Variants in INSL6 observed in about 807,000 individuals in gnomAD.
INSL6 encodes insulin like 6.
Under a neutral mutation model 9.4 loss-of-function variants are expected in INSL6, and 16 were observed. That is an observed-to-expected ratio of 1.70 (90% CI 1.15 to 2.59). The LOEUF (loss-of-function observed/expected upper bound fraction) is 2.59, where lower values mean the gene tolerates loss of function less well. Ranked by LOEUF, INSL6 falls within the 30% of genes most tolerant of loss-of-function variation. INSL6 has a pLI of 0.00. For synonymous variants in INSL6, 154 were observed against 96.9 expected (o/e 1.59, Z -3.46); for missense variants, 391 against 257.3 (o/e 1.52, Z -3.56).
the INSL6 span, among the ~76,000 whole-genome samples, chr9:5,011,810 G>A: frequency 1.2e-4 from 18 of 152,202 alleles, no homozygotes; most frequent in Admixed American, 7.8e-4. Flanking sequence ...TTGATCCTGC[G>A]GAGGCTTGGT....
the INSL6 span, among the ~76,000 whole-genome samples, chr9:5,048,401 A>G: frequency 2.7e-4 from 41 of 152,252 alleles, no homozygotes; most frequent in Non-Finnish European, 5.3e-4. Context: ...TTGGCCTTCT[A>G]AAGTGCTGGG....
the INSL6 span, among the ~76,000 whole-genome samples, chr9:5,007,882 C>G: frequency 6.6e-6 from 1 of 152,074 alleles, no homozygotes; most frequent in East Asian, 1.9e-4. Flanking sequence ...CACGTGCCAC[C>G]ACGCCTGGCT....
chr9:5,174,284 T>G (rs190778240), intron 1 of INSL6, among the ~76,000 whole-genome samples: 4 of 152,220 alleles, frequency 2.6e-5, no homozygotes, highest in Non-Finnish European at 4.4e-5. Flanking sequence ...AACTCCTTGA[T>G]AGAGTTTTCT....
chr9:5,113,587 C>A, the INSL6 span: 1 of 159,140 alleles, frequency 6.3e-6, no homozygotes, highest in South Asian at 1.7e-4. Flanking sequence ...CCTTGATCCC[C>A]TGCTGCAAAG....
At chr9:5,087,982 AAAAT>A in the INSL6 span, among the ~76,000 whole-genome samples, 1 of 152,260 alleles carries the variant, frequency 6.6e-6, no homozygotes, top group East Asian at 1.9e-4. Flanking sequence ...GTGGCACTAG[AAAAT>A]AAATTTTATG....
chr9:5,087,696 C>T, the INSL6 span, among the ~76,000 whole-genome samples: 1 of 152,056 alleles, frequency 6.6e-6, no homozygotes, highest in South Asian at 2.1e-4. Context: ...ATACATTTTC[C>T]CACTGCTTAT....
At position 5,175,604 on chromosome 9, in the gene INSL6, G is replaced by A. The variant is rs184617012; in HGVS notation, c.289+9710C>T. Among the ~76,000 whole-genome samples, 379 of 152,224 alleles carry A rather than the reference G, an allele frequency of 2.5e-3. 3 individuals carry two copies. Among genetic ancestry groups the A allele is most frequent in the Admixed American group, 4.4e-3 (68 of 15,296 alleles). On this transcript the variant is annotated intron_variant, in intron 1 of 1. Coordinates refer to ENST00000381641, the MANE Select transcript of INSL6 (RefSeq NM_007179.3). ...GGCAGGAGGTAAGCAGTGGGCAGGC[G>A]AGCGAGCAAAGCTTCATCTATATTT...
At chr9:5,112,595 A>T in the INSL6 span, 1 of 777,476 alleles carries the variant, frequency 1.3e-6, no homozygotes, top group Admixed American at 2.5e-5. Context: ...GAGGGCTCTT[A>T]AGGAGCTGGG....
the INSL6 span, among the ~76,000 whole-genome samples, chr9:5,042,173 C>A: frequency 1.3e-5 from 2 of 149,426 alleles, no homozygotes; most frequent in African/African-American, 4.9e-5. Flanking sequence ...CTTTGTCGCC[C>A]AGGCCGGACT....
chr9:5,115,978 G>A, the INSL6 span, among the ~76,000 whole-genome samples: 1 of 151,932 alleles, frequency 6.6e-6, no homozygotes, highest in African/African-American at 2.4e-5. Context: ...GATGGGTGCA[G>A]CAAACCACCA....
At chr9:5,041,713 A>G in the INSL6 span, 5 of 503,520 alleles carry the variant, frequency 9.9e-6, no homozygotes, top group Non-Finnish European at 2.0e-5. Context: ...GACTCTGAGT[A>G]CGAGGGGCTC....
chr9:5,033,264 G>A, the INSL6 span, among the ~76,000 whole-genome samples: 4 of 152,188 alleles, frequency 2.6e-5, no homozygotes, highest in South Asian at 2.1e-4. Context: ...CCAAATCTAC[G>A]TCTCATTGGT....
the INSL6 span, among the ~76,000 whole-genome samples, chr9:5,071,240 C>T: frequency 3.6e-4 from 55 of 152,162 alleles, no homozygotes; most frequent in African/African-American, 1.3e-3. Flanking sequence ...CCATAATTCC[C>T]ACAGATAAAA....
the INSL6 span, among the ~76,000 whole-genome samples, chr9:5,004,041 G>A: frequency 2.0e-5 from 3 of 151,886 alleles, no homozygotes; most frequent in Admixed American, 1.3e-4. Context: ...TTGTATATAT[G>A]GTGTACAACA....
chr9:5,028,967 C>A, the INSL6 span, among the ~76,000 whole-genome samples: 1 of 152,172 alleles, frequency 6.6e-6, no homozygotes, highest in African/African-American at 2.4e-5. Context: ...TTACTGCAGT[C>A]GCATTTTTAA....
At chr9:5,000,155 T>G in the INSL6 span, among the ~76,000 whole-genome samples, 2 of 151,288 alleles carry the variant, frequency 1.3e-5, no homozygotes, top group Admixed American at 6.6e-5. Flanking sequence ...ATTTTTTCTG[T>G]TTTTTTTTAA....
chr9:5,037,610 A>G, the INSL6 span, among the ~76,000 whole-genome samples: 1 of 152,310 alleles, frequency 6.6e-6, no homozygotes, highest in Admixed American at 6.5e-5. Context: ...CGCAAGGACA[A>G]AAAACCAAAC....
At chr9:5,009,406 A>T in the INSL6 span, among the ~76,000 whole-genome samples, 3 of 152,160 alleles carry the variant, frequency 2.0e-5, no homozygotes, top group African/African-American at 7.2e-5. Context: ...ACACTATGAA[A>T]TGCCCAGGCT....
the INSL6 span, among the ~76,000 whole-genome samples, chr9:5,061,231 A>G: frequency 1.3e-5 from 2 of 152,246 alleles, no homozygotes; most frequent in East Asian, 1.9e-4. Context: ...CAAGTCACCA[A>G]TGGCATAGGC....
Sources: allele counts gnomAD v4.1 joint callset (sites outside exome capture counted in the v4.1 genomes callset), GRCh38; gene constraint gnomAD v4.1.1; transcripts MANE v1.5; gene names NCBI Gene and HGNC (gene_info 2026-07-23, HGNC 2026-07-21).